USP8: variants seen among roughly 807,000 people sequenced by gnomAD.
USP8 encodes the protein ubiquitin specific peptidase 8.
Under a neutral mutation model 130.0 loss-of-function variants are expected in USP8, and 27 were observed. That is an observed-to-expected ratio of 0.21 (90% CI 0.15 to 0.29). The LOEUF is 0.29. USP8 is among the 10% of genes least tolerant of loss of function. USP8 has a pLI of 1.00. For synonymous variants in USP8, 392 were observed against 444.1 expected (o/e 0.88, Z 1.48); for missense variants, 1,029 against 1,312.2 (o/e 0.78, Z 3.33).
intron 12 of USP8, 138 bp from the exon 13 acceptor site, chr15:50,489,662 TA>T: frequency 2.2e-6 from 1 of 446,606 alleles, no homozygotes; most frequent in Non-Finnish European, 3.8e-6. Flanking sequence ...ATCTGTTTTT[TA>T]AAATATGAAG....
intron 3 of USP8, 135 bp from the exon 4 acceptor site, chr15:50,449,265 A>G: frequency 4.4e-6 from 2 of 455,010 alleles, no homozygotes; most frequent in Non-Finnish European, 7.7e-6. Flanking sequence ...CATAGGTTAA[A>G]AGTTTTTAAA....
At position 50,448,125 on chromosome 15, in the gene USP8, A is replaced by G. The variant is rs143630149; in HGVS notation, c.250-1275A>G. 1.4e-3 allele frequency among the ~76,000 whole-genome samples: 218 copies of G among 152,278 alleles called. 5 individuals carry two copies. The East Asian group carries it at 0.036, about 25-fold the overall frequency. On this transcript the variant is annotated intron_variant, in intron 3 of 19. Coordinates refer to ENST00000307179, the MANE Select transcript of USP8 (RefSeq NM_005154.5). ...AGTAATCTAGAAGTTATATATATTT[A>G]TATGGGCTGTTAGATATGTTTATAT...
chr15:50,438,254 T>C (rs1567600495), intron 1 of USP8, among the ~76,000 whole-genome samples: 1 of 152,184 alleles, frequency 6.6e-6, no homozygotes, highest in Non-Finnish European at 1.5e-5. Context: ...ATTTGTTTAA[T>C]GATAGTGAAC....
At chr15:50,489,777 T>A (rs2141316278) in intron 12 of USP8, 24 bp from the exon 13 acceptor site, 1 of 1,391,712 alleles carries the variant, frequency 7.2e-7, no homozygotes, top group Non-Finnish European at 9.4e-7. Context: ...TTTTTTTTAA[T>A]TTTTTTTATT....
At chr15:50,434,655 G>T (rs1198297540) in intron 1 of USP8, among the ~76,000 whole-genome samples, 1 of 151,416 alleles carries the variant, frequency 6.6e-6, no homozygotes, top group Non-Finnish European at 1.5e-5. Context: ...TTGCTGTGTC[G>T]CCCAGGTTGA....
chr15:50,430,205 G>A (rs574188418), intron 1 of USP8, among the ~76,000 whole-genome samples: 3 of 152,122 alleles, frequency 2.0e-5, no homozygotes, highest in Non-Finnish European at 4.4e-5. Flanking sequence ...AGTTTAGACA[G>A]TCACTCTTTA....
intron 7 of USP8, among the ~76,000 whole-genome samples, chr15:50,470,745 G>A (rs908382677): frequency 4.6e-5 from 7 of 151,864 alleles, no homozygotes; most frequent in South Asian, 2.1e-4. Flanking sequence ...GATTACAGGC[G>A]CCTGCCACCA....
intron 1 of USP8, among the ~76,000 whole-genome samples, chr15:50,428,321 T>TGGTA (rs1567591604): frequency 6.6e-6 from 1 of 152,178 alleles, no homozygotes; most frequent in Non-Finnish European, 1.5e-5. Flanking sequence ...TTCACTGTGT[T>TGGTA]GCCCAGGCTG....
intron 4 of USP8, among the ~76,000 whole-genome samples, chr15:50,453,857 A>ATTTT (rs1595924578): frequency 5.9e-5 from 4 of 67,246 alleles, no homozygotes; most frequent in African/African-American, 1.5e-4. Context: ...CTCTGGGAAT[A>ATTTT]TTCTTTTTTT....
At chr15:50,466,939 A>G (rs1412999053) in intron 7 of USP8, 4 of 432,858 alleles carry the variant, frequency 9.2e-6, no homozygotes, top group East Asian at 4.9e-5. Flanking sequence ...GCTACAAGAA[A>G]AACTCCTTTT....
intron 1 of USP8, among the ~76,000 whole-genome samples, chr15:50,436,472 C>T (rs562529856): frequency 2.0e-5 from 3 of 152,212 alleles, no homozygotes; most frequent in East Asian, 1.9e-4. Flanking sequence ...ACTTTCTCTT[C>T]CACATTAGTT....
chr15:50,488,974 C>T (rs900901307), intron 12 of USP8, among the ~76,000 whole-genome samples: 4 of 152,052 alleles, frequency 2.6e-5, no homozygotes, highest in African/African-American at 7.2e-5. Flanking sequence ...GTCTTGGCCT[C>T]GCAAAGTGCT....
chr15:50,463,870 A>G (rs2051096539), intron 6 of USP8, among the ~76,000 whole-genome samples: 1 of 152,234 alleles, frequency 6.6e-6, no homozygotes. Flanking sequence ...GCTAAGGAAA[A>G]ATAGTAACAT....
intron 7 of USP8, among the ~76,000 whole-genome samples, chr15:50,466,487 C>T (rs2051191061): frequency 1.3e-5 from 2 of 151,116 alleles, no homozygotes; most frequent in South Asian, 4.2e-4. Flanking sequence ...CCCAGCTACT[C>T]GGGAGGCTGA....
At chr15:50,482,150 G>T (rs1442962844) in intron 11 of USP8, 85 bp downstream of exon 11, 11 of 1,267,972 alleles carry the variant, frequency 8.7e-6, no homozygotes, top group Non-Finnish European at 1.2e-5. Flanking sequence ...TCCATAAAAG[G>T]GCAGGCATTT....
At chr15:50,450,990 TGA>T (rs983585275) in intron 4 of USP8, among the ~76,000 whole-genome samples, 2 of 151,974 alleles carry the variant, frequency 1.3e-5, no homozygotes, top group African/African-American at 4.8e-5. Flanking sequence ...AACAGCAAAC[TGA>T]GAGCTGTTTG....
intron 8 of USP8, among the ~76,000 whole-genome samples, chr15:50,476,297 C>T (rs948830450): frequency 6.6e-6 from 1 of 152,122 alleles, no homozygotes; most frequent in African/African-American, 2.4e-5. Context: ...GCCGTGTTGG[C>T]GCGTGCTTGT....
Position 50,496,058 on chromosome 15 carries a change from G to T in USP8, c.2869G>T (p.Ala957Ser). The change falls in exon 17 of 20, where the codon GCA becomes TCA. Residue 957 changes from alanine (A) to serine (S), a missense_variant. Ala to Ser is a moderately conservative substitution (Grantham distance 99). Around this residue, in one of 4 missense-constraint regions of USP8, gnomAD observed 257 missense variants for 429.8 expected, o/e 0.60. Transcript: ENST00000307179. ...CTTCATGTATTTGTCTCTACCACTA[G>T]CATCCACAAGTAAATGTACATTACA... ...EAFMYLSLPL[A>S]STSKCTLQDC... 1 of 1,612,848 alleles carries T rather than the reference G, an allele frequency of 6.2e-7. No homozygotes were observed. The highest frequency in any genetic ancestry group is 8.5e-7 in the Non-Finnish European group (1 of 1,179,362).
chr15:50,500,230 CTAAATTATTATATCAAAT>C lies in USP8; in HGVS notation c.*1143_*1160del, dbSNP rs2052558243. ...ATTAGTCTAAGAGACCACTTCTTGG[CTAAATTATTATATCAAAT>C]ATATTCAAATCATATTCTTAAACTC... On this transcript the variant is annotated 3_prime_UTR_variant, in exon 20 of 20. Transcript: ENST00000307179. 6.6e-6 allele frequency: 1 copy of C among 152,180 alleles called. No individual in the cohort carries two copies. Among genetic ancestry groups the C allele is most frequent in the Non-Finnish European group, 1.5e-5 (1 of 68,096 alleles). 9.4% of individuals were successfully genotyped at this position (152,180 alleles called of 1,614,324 possible). A position where few individuals can be genotyped will look rare whatever the true frequency, so the allele number is the denominator to read the frequency against.
Sources: allele counts gnomAD v4.1 joint callset (sites outside exome capture counted in the v4.1 genomes callset), GRCh38; gene constraint gnomAD v4.1.1; regional missense constraint gnomAD v4.1.1; transcripts MANE v1.5; gene names NCBI Gene and HGNC (gene_info 2026-07-23, HGNC 2026-07-21).